Variants in KCNMA1 observed in about 807,000 individuals in gnomAD.
KCNMA1 encodes the protein Calcium-activated potassium channel subunit alpha-1.
In KCNMA1, 29 loss-of-function variants were observed where a neutral mutation model predicts 140.0. The ratio of observed to expected loss-of-function variants is 0.21; its 90% CI spans 0.15 to 0.28. The LOEUF is 0.28. Among genes scored for constraint, KCNMA1 ranks in the 10% least tolerant of loss-of-function variants. The probability of loss-of-function intolerance (pLI) is 1.00; values close to 1 mark genes in which losing one functional copy is unlikely to be tolerated. For missense variants in KCNMA1, 880 were observed against 1,602.2 expected (o/e 0.55, Z 7.70); for synonymous variants, 612 against 611.9 (o/e 1.00, Z 0.00).
rs868220370 is a variant in KCNMA1, at chr10:77,566,748, A to G, written c.378+70517T>C. 2.6e-5 allele frequency among the ~76,000 whole-genome samples: 4 copies of G among 152,342 alleles called. 1 individual carries two copies. Among genetic ancestry groups the G allele is most frequent in the Middle Eastern group, 3.4e-3 (1 of 294 alleles). ...TCCAGAGTTGTTCCGGGTGGAGGCA[A>G]GCCCAGGTGAGACCTACTTTCCAAA... is the stretch of plus-strand genomic sequence containing the variant. On this transcript the variant is annotated intron_variant, in intron 1 of 27. Coordinates refer to ENST00000286628, the MANE Select transcript of KCNMA1 (RefSeq NM_001161352.2).
intron 1 of KCNMA1, chr10:77,587,951 G>T: frequency 1.3e-6 from 1 of 751,622 alleles, no homozygotes; most frequent in Non-Finnish European, 1.6e-6. Context: ...CCCACAGAAA[G>T]AGAAATAATA....
At position 77,001,201 on chromosome 10, in the gene KCNMA1, C is replaced by T. The variant is rs11001963; in HGVS notation, c.2266+206G>A. ...CAGTCCTGCATGCTGTTACGAGAAG[C>T]GTAAGTTAAGAAAATCAGAAGGGAG... On this transcript the variant is annotated intron_variant, in intron 19 of 27. Coordinates refer to ENST00000286628, the MANE Select transcript of KCNMA1 (RefSeq NM_001161352.2). Among the ~76,000 whole-genome samples the T allele has an allele frequency of 0.53, 81,083 of 151,726 alleles. 21,775 individuals are homozygous for T. Among genetic ancestry groups the T allele is most frequent in the Middle Eastern group, 0.59 (174 of 294 alleles).
At chr10:77,561,678 T>C (rs1407287324) in intron 1 of KCNMA1, among the ~76,000 whole-genome samples, 1 of 152,118 alleles carries the variant, frequency 6.6e-6, no homozygotes, top group Non-Finnish European at 1.5e-5. Context: ...TCCATGACCT[T>C]CACAAGGGGC....
intron 14 of KCNMA1, among the ~76,000 whole-genome samples, chr10:77,039,963 G>A (rs915751829): frequency 3.9e-5 from 5 of 126,758 alleles, no homozygotes; most frequent in South Asian, 5.4e-4. Flanking sequence ...GCTCACTGAA[G>A]CCTTGGACAC....
intron 2 of KCNMA1, among the ~76,000 whole-genome samples, chr10:77,289,112 C>T (rs1426642152): frequency 6.6e-6 from 1 of 152,206 alleles, no homozygotes; most frequent in Non-Finnish European, 1.5e-5. Context: ...AGGCTTATCT[C>T]CTCCAGCTCC....
chr10:77,035,366 C>T (rs1594347180), intron 15 of KCNMA1, among the ~76,000 whole-genome samples: 1 of 152,312 alleles, frequency 6.6e-6, no homozygotes, highest in Non-Finnish European at 1.5e-5. Flanking sequence ...CCCTATAACT[C>T]TCAGCATCTC....
chr10:77,592,475 C>T (rs552874978), intron 1 of KCNMA1, among the ~76,000 whole-genome samples: 13 of 152,290 alleles, frequency 8.5e-5, no homozygotes, highest in Middle Eastern at 3.4e-3. Context: ...TGAACAATTA[C>T]GGGAAACTGG....
chr10:77,200,942 T>C (rs2154154381), intron 3 of KCNMA1, among the ~76,000 whole-genome samples: 1 of 152,346 alleles, frequency 6.6e-6, no homozygotes, highest in East Asian at 1.9e-4. Context: ...TCAACTTAAC[T>C]GCCTTTTAAG....
At chr10:77,473,685 C>A (rs1386755018) in intron 1 of KCNMA1, among the ~76,000 whole-genome samples, 1 of 152,062 alleles carries the variant, frequency 6.6e-6, no homozygotes, top group African/African-American at 2.4e-5. Context: ...TGGGCCAGTG[C>A]GACCTTTCCA....
chr10:77,067,946 T>C (rs772200344), intron 14 of KCNMA1, among the ~76,000 whole-genome samples: 1 of 152,180 alleles, frequency 6.6e-6, no homozygotes, highest in Non-Finnish European at 1.5e-5. Context: ...ATAGTTCACA[T>C]AGAATGAACT....
chr10:77,606,807 C>G (rs796940790), intron 1 of KCNMA1, among the ~76,000 whole-genome samples: 1 of 152,108 alleles, frequency 6.6e-6, no homozygotes, highest in South Asian at 2.1e-4. Context: ...AAGAGTTTAT[C>G]GTGTTCAGTC....
intron 2 of KCNMA1, among the ~76,000 whole-genome samples, chr10:77,382,980 G>GTATATA (rs2095464422): frequency 1.4e-5 from 1 of 73,002 alleles, no homozygotes; most frequent in African/African-American, 8.5e-5. Flanking sequence ...GTGTGTGTGT[G>GTATATA]TGTGTGTGTG....
At chr10:77,228,039 A>C (rs951695705) in intron 3 of KCNMA1, among the ~76,000 whole-genome samples, 8 of 145,226 alleles carry the variant, frequency 5.5e-5, no homozygotes, top group African/African-American at 2.1e-4. Flanking sequence ...ATCTTGGCTC[A>C]CTGGAACCTC....
At chr10:77,319,664 A>G (rs651299) in intron 2 of KCNMA1, among the ~76,000 whole-genome samples, 31,371 of 152,128 alleles carry the variant, frequency 0.21, 3,480 homozygotes, top group Admixed American at 0.26. Context: ...CTGAGTGCTG[A>G]GTGGTTTGCT....
At chr10:77,387,611 C>A (rs199678245) in intron 2 of KCNMA1, among the ~76,000 whole-genome samples, 2 of 89,112 alleles carry the variant, frequency 2.2e-5, no homozygotes, top group Non-Finnish European at 4.1e-5. Context: ...TCTTTTCTTT[C>A]TTTTCTTTTC....
intron 1 of KCNMA1, among the ~76,000 whole-genome samples, chr10:77,533,424 T>C (rs1375873405): frequency 1.3e-5 from 2 of 152,176 alleles, no homozygotes; most frequent in South Asian, 2.1e-4. Context: ...TTAACTTCTC[T>C]AGAACTTGTC....
intron 1 of KCNMA1, among the ~76,000 whole-genome samples, chr10:77,447,774 G>A (rs1566909008): frequency 1.3e-5 from 2 of 152,298 alleles, no homozygotes; most frequent in East Asian, 3.9e-4. Flanking sequence ...AGTGATGGAA[G>A]GTCAGCTTTA....
At chr10:77,567,058 C>A (rs897982695) in intron 1 of KCNMA1, among the ~76,000 whole-genome samples, 4 of 152,172 alleles carry the variant, frequency 2.6e-5, no homozygotes, top group Non-Finnish European at 5.9e-5. Flanking sequence ...TCAGGGAGCT[C>A]AGGCCCTGGG....
At chr10:77,615,742 C>A (rs145169866) in intron 1 of KCNMA1, among the ~76,000 whole-genome samples, 1 of 152,268 alleles carries the variant, frequency 6.6e-6, no homozygotes, top group East Asian at 1.9e-4. Context: ...TTTCCTCCAA[C>A]CCTACTTTCT....
Sources: allele counts gnomAD v4.1 joint callset (sites outside exome capture counted in the v4.1 genomes callset), GRCh38; gene constraint gnomAD v4.1.1; transcripts MANE v1.5; gene names NCBI Gene and HGNC (gene_info 2026-07-23, HGNC 2026-07-21).